The following NUDT3 variants were observed in gnomAD, a reference collection of about 807,000 sequenced individuals.
NUDT3 encodes the protein diphosphoinositol polyphosphate phosphohydrolase 1.
NUDT3 carries 9 observed loss-of-function variants against 23.6 expected under a neutral mutation model. The observed-to-expected ratio is 0.38, with a 90% CI of 0.23 to 0.66. NUDT3 has a LOEUF of 0.66. Ranked by LOEUF, NUDT3 falls within the 30% of genes least tolerant of loss-of-function variation. The probability of loss-of-function intolerance (pLI) is 0.52; values close to 1 mark genes in which losing one functional copy is unlikely to be tolerated. For missense variants in NUDT3, 172 were observed against 218.5 expected, an observed-to-expected ratio of 0.79 and a Z score of 1.34; for synonymous variants, 86 against 82.6, an observed-to-expected ratio of 1.04 and a Z score of -0.22.
At chr6:34,363,917 C>A (rs1449047256) in intron 1 of NUDT3, among the ~76,000 whole-genome samples, 1 of 152,062 alleles carries the variant, frequency 6.6e-6, no homozygotes, top group Non-Finnish European at 1.5e-5. Flanking sequence ...GGATTACAGG[C>A]ACCCACCACC....
At chr6:34,303,214 T>C (rs1763627732) in intron 2 of NUDT3, among the ~76,000 whole-genome samples, 1 of 146,228 alleles carries the variant, frequency 6.8e-6, no homozygotes, top group African/African-American at 2.5e-5. Context: ...TTTTTTTTTT[T>C]TTTTTTTTTT....
chr6:34,371,571 T>C (rs1211193761), intron 1 of NUDT3, among the ~76,000 whole-genome samples: 2 of 152,208 alleles, frequency 1.3e-5, no homozygotes, highest in Non-Finnish European at 2.9e-5. Flanking sequence ...TTGTTATTGA[T>C]TCCTTACGAG....
intron 2 of NUDT3, among the ~76,000 whole-genome samples, chr6:34,302,654 C>A (rs1239157041): frequency 6.6e-6 from 1 of 152,144 alleles, no homozygotes; most frequent in Non-Finnish European, 1.5e-5. Context: ...ATTGCTTGAA[C>A]CTGGGAGGCG....
At chr6:34,372,740 G>A (rs1764852393) in intron 1 of NUDT3, among the ~76,000 whole-genome samples, 1 of 151,620 alleles carries the variant, frequency 6.6e-6, no homozygotes, top group Non-Finnish European at 1.5e-5. Context: ...GGAGGCAGAG[G>A]TTGTGGTGGG....
chr6:34,314,549 ACT>A (rs1211470759), intron 2 of NUDT3, among the ~76,000 whole-genome samples: 1 of 147,284 alleles, frequency 6.8e-6, no homozygotes, highest in Non-Finnish European at 1.5e-5. Context: ...ACAGAGTGAG[ACT>A]CTGTCTCAAA....
chr6:34,369,051 A>C (rs1419426757), intron 1 of NUDT3, among the ~76,000 whole-genome samples: 1 of 152,220 alleles, frequency 6.6e-6, no homozygotes, highest in African/African-American at 2.4e-5. Context: ...AATTAGTTCT[A>C]TACTGTTTAT....
intron 2 of NUDT3, among the ~76,000 whole-genome samples, chr6:34,327,793 TC>T (rs1764064729): frequency 6.6e-6 from 1 of 152,064 alleles, no homozygotes; most frequent in Admixed American, 6.5e-5. Context: ...AAGGGAGACT[TC>T]CTTTCACAGT....
intron 2 of NUDT3, among the ~76,000 whole-genome samples, chr6:34,315,130 T>C (rs1431918323): frequency 2.6e-5 from 4 of 152,226 alleles, no homozygotes; most frequent in Non-Finnish European, 5.9e-5. Context: ...CCTTTTAGAC[T>C]ACCTGAAAAA....
At chr6:34,311,152 C>T (rs1763765941) in intron 2 of NUDT3, among the ~76,000 whole-genome samples, 1 of 152,118 alleles carries the variant, frequency 6.6e-6, no homozygotes, top group Non-Finnish European at 1.5e-5. Flanking sequence ...TATTCGTTTG[C>T]AGATGACATG....
rs547624308 is a variant in NUDT3 at position 34,319,507 on chromosome 6, A to G, written c.210+22355T>C. Among the ~76,000 whole-genome samples, 238 of 152,300 alleles carry G rather than the reference A, an allele frequency of 1.6e-3. 1 individual carries two copies. The highest frequency in any genetic ancestry group is 5.7e-3 in the African/African-American group (235 of 41,574). ...GGCGAGGTTGGGGGAAGCTGCACAG[A>G]GCTTCCATGGCTTCCCTGGGTGTGC... On this transcript the variant is annotated intron_variant, in intron 2 of 4. Coordinates refer to ENST00000607016, the MANE Select transcript of NUDT3 (RefSeq NM_006703.4).
At chr6:34,294,918 C>T (rs1298726956) in intron 3 of NUDT3, among the ~76,000 whole-genome samples, 2 of 152,062 alleles carry the variant, frequency 1.3e-5, no homozygotes, top group Non-Finnish European at 2.9e-5. Flanking sequence ...TGAGCCACCA[C>T]GCCCAGCATC....
At chr6:34,358,922 T>C (rs537262111) in intron 1 of NUDT3, among the ~76,000 whole-genome samples, 1 of 152,364 alleles carries the variant, frequency 6.6e-6, no homozygotes, top group Admixed American at 6.5e-5. Flanking sequence ...TATTTTTATG[T>C]AATTTCAAGT....
chr6:34,387,154 C>T (rs1224897377), intron 1 of NUDT3, among the ~76,000 whole-genome samples: 1 of 152,166 alleles, frequency 6.6e-6, no homozygotes, highest in Non-Finnish European at 1.5e-5. Flanking sequence ...ATGTGCAGTA[C>T]ATAATACTTG....
chr6:34,386,321 C>A (rs1302083243), intron 1 of NUDT3, among the ~76,000 whole-genome samples: 3 of 152,112 alleles, frequency 2.0e-5, no homozygotes, highest in Non-Finnish European at 4.4e-5. Flanking sequence ...GAAGTTTTTT[C>A]CTGTTAATTT....
chr6:34,374,936 G>C (rs1209580474), intron 1 of NUDT3, among the ~76,000 whole-genome samples: 1 of 152,072 alleles, frequency 6.6e-6, no homozygotes, highest in Non-Finnish European at 1.5e-5. Flanking sequence ...CCCCAATCTT[G>C]GGACATCTCT....
intron 2 of NUDT3, among the ~76,000 whole-genome samples, chr6:34,302,135 G>A (rs932195167): frequency 6.6e-6 from 1 of 151,704 alleles, no homozygotes; most frequent in African/African-American, 2.4e-5. Flanking sequence ...AGGCTCAAGC[G>A]ATCCTCCTGC....
chr6:34,360,614 C>T (rs555364494), intron 1 of NUDT3, among the ~76,000 whole-genome samples: 13 of 152,096 alleles, frequency 8.5e-5, no homozygotes, highest in Non-Finnish European at 1.9e-4. Flanking sequence ...AACTACTTAA[C>T]TTTTGAAGGA....
chr6:34,342,069 G>T, intron 1 of NUDT3, 97 bp from the exon 2 acceptor site: 1 of 1,094,802 alleles, frequency 9.1e-7, no homozygotes, highest in Non-Finnish European at 1.3e-6. Context: ...AAGTAACCAA[G>T]ACCCATTCTT....
intron 2 of NUDT3, among the ~76,000 whole-genome samples, chr6:34,332,527 AAATC>A (rs777535694): frequency 2.6e-5 from 4 of 152,206 alleles, no homozygotes; most frequent in Non-Finnish European, 5.9e-5. Flanking sequence ...TACTGGAAAA[AAATC>A]CACATATAAA....
Sources: gnomAD v4.1 joint callset for allele counts (sites outside exome capture counted in the v4.1 genomes callset) on GRCh38, gnomAD v4.1.1 for gene constraint, MANE v1.5 for transcripts, NCBI Gene and HGNC (gene_info 2026-07-23, HGNC 2026-07-21) for gene names.